CSMD2: variants seen among roughly 807,000 people sequenced by gnomAD.
CSMD2 encodes the protein CUB and Sushi multiple domains 2, also known as CUB and sushi domain-containing protein 2.
CSMD2 carries 130 observed loss-of-function variants against 398.5 expected under a neutral mutation model. That is an observed-to-expected ratio of 0.33 (90% CI 0.28 to 0.38). CSMD2 has a LOEUF of 0.38. Ranked by LOEUF, CSMD2 falls within the 10% of genes least tolerant of loss-of-function variation. The pLI is 1.00. For missense variants in CSMD2, 3,829 were observed against 4,764.9 expected, an observed-to-expected ratio of 0.80 and a Z score of 5.78; for synonymous variants, 1,828 against 1,908.5, an observed-to-expected ratio of 0.96 and a Z score of 1.10.
chr1:34,130,490 G>A (rs1027993342), intron 1 of CSMD2, among the ~76,000 whole-genome samples: 2 of 151,740 alleles, frequency 1.3e-5, no homozygotes, highest in Non-Finnish European at 2.9e-5. Context: ...GGGAGGGGAA[G>A]CGTGGGTAGA....
chr1:33,944,332 A>G lies in CSMD2; in HGVS notation c.518-8378T>C, dbSNP rs1182202262. On this transcript the variant is annotated intron_variant, in intron 3 of 70. Transcript: ENST00000373381. ...GTGGGGCGAGTGGGCTGCACCAGGG[A>G]AGGTGCTGGACAGAGGTGACTAGCA... 9.2e-5 allele frequency among the ~76,000 whole-genome samples: 14 copies of G among 151,986 alleles called. 1 individual carries two copies. In the South Asian group the frequency reaches 2.9e-3, roughly 32 times the overall value.
intron 9 of CSMD2, among the ~76,000 whole-genome samples, chr1:33,817,460 C>T (rs1657601820): frequency 2.0e-5 from 3 of 152,258 alleles, no homozygotes; most frequent in Admixed American, 1.3e-4. Flanking sequence ...AAGGAACCCG[C>T]CCAGGGCCAG....
chr1:33,524,703 A>G (rs1654614569), intron 66 of CSMD2, among the ~76,000 whole-genome samples, 179 bp downstream of exon 66: 1 of 152,170 alleles, frequency 6.6e-6, no homozygotes, highest in Non-Finnish European at 1.5e-5. Flanking sequence ...CCATTTAAAC[A>G]TTTCCCTTTA....
chr1:33,764,443 C>T (rs1039254917), intron 13 of CSMD2, among the ~76,000 whole-genome samples: 11 of 152,134 alleles, frequency 7.2e-5, no homozygotes, highest in Admixed American at 5.2e-4. Flanking sequence ...TTCTGCAGAG[C>T]GGGCACCCCC....
chr1:34,088,972 G>A lies in CSMD2; in HGVS notation c.404+5C>T. The A allele has an allele frequency of 6.2e-7, 1 of 1,611,424 alleles. No individual in the cohort carries two copies. Among genetic ancestry groups the A allele is most frequent in the South Asian group, 1.1e-5 (1 of 90,974 alleles). ...TTGCTACAGGGAAGGTGGGCAGCAT[G>A]GTACCTCGTACGCAGATTCTCTGGC... is the stretch of plus-strand genomic sequence containing the variant. On this transcript the variant is annotated splice_donor_5th_base_variant and intron_variant, in intron 2 of 70. Coordinates refer to ENST00000373381, the MANE Select transcript of CSMD2 (RefSeq NM_001281956.2).
chr1:33,793,206 G>A (rs984711774), intron 10 of CSMD2, among the ~76,000 whole-genome samples: 5 of 152,156 alleles, frequency 3.3e-5, no homozygotes, highest in South Asian at 2.1e-4. Flanking sequence ...CTGTGGGAGC[G>A]AAGAGGAGCC....
intron 1 of CSMD2, among the ~76,000 whole-genome samples, chr1:34,102,598 G>A (rs1291823038): frequency 7.4e-4 from 57 of 77,384 alleles, no homozygotes; most frequent in African/African-American, 2.3e-3. Context: ...CTGTAATCCG[G>A]CCATATCCCT....
At chr1:34,068,538 T>C (rs1432760294) in intron 2 of CSMD2, among the ~76,000 whole-genome samples, 1 of 152,244 alleles carries the variant, frequency 6.6e-6, no homozygotes, top group Admixed American at 6.5e-5. Context: ...TACATGGTAA[T>C]GTACATAATA....
chr1:34,034,637 T>C (rs150569292), intron 2 of CSMD2, among the ~76,000 whole-genome samples: 14 of 152,334 alleles, frequency 9.2e-5, no homozygotes, highest in African/African-American at 3.4e-4. Flanking sequence ...CCCAGTTACA[T>C]AAGCTAACAT....
chr1:33,526,504 A>G (rs1401283010), intron 65 of CSMD2, among the ~76,000 whole-genome samples: 1 of 152,224 alleles, frequency 6.6e-6, no homozygotes, highest in East Asian at 1.9e-4. Flanking sequence ...GCATGTGTAA[A>G]AGCACCTAAT....
chr1:34,133,311 T>G (rs1418361790), intron 1 of CSMD2, among the ~76,000 whole-genome samples: 1 of 152,144 alleles, frequency 6.6e-6, no homozygotes, highest in Non-Finnish European at 1.5e-5. Context: ...AAGCAAGCCT[T>G]GCAAAATAAT....
chr1:33,625,577 A>C (rs1642069228), intron 33 of CSMD2, among the ~76,000 whole-genome samples: 1 of 152,120 alleles, frequency 6.6e-6, no homozygotes, highest in Admixed American at 6.5e-5. Flanking sequence ...CCTAGCAAGG[A>C]GAATGGGCCT....
At chr1:33,873,256 G>T (rs1211557594) in intron 5 of CSMD2, among the ~76,000 whole-genome samples, 1 of 152,186 alleles carries the variant, frequency 6.6e-6, no homozygotes, top group East Asian at 1.9e-4. Context: ...TTTTGTGTGT[G>T]GAAGGGACAT....
At chr1:34,144,390 T>A (rs796736515) in intron 1 of CSMD2, among the ~76,000 whole-genome samples, 26 of 152,274 alleles carry the variant, frequency 1.7e-4, no homozygotes, top group African/African-American at 6.0e-4. Context: ...GACCCTTAAC[T>A]CTCTCCCTAC....
At chr1:33,877,734 A>G (rs1243171165) in intron 5 of CSMD2, among the ~76,000 whole-genome samples, 1 of 152,140 alleles carries the variant, frequency 6.6e-6, no homozygotes, top group East Asian at 1.9e-4. Flanking sequence ...CAAATTGAAA[A>G]GAATACTTTT....
At chr1:33,651,566 G>A (rs1429037777) in intron 28 of CSMD2, among the ~76,000 whole-genome samples, 2 of 152,118 alleles carry the variant, frequency 1.3e-5, no homozygotes, top group Admixed American at 6.6e-5. Context: ...AAGAAGAGGA[G>A]GTTTTGACAA....
At chr1:34,124,956 C>T (rs1662583919) in intron 1 of CSMD2, among the ~76,000 whole-genome samples, 1 of 152,168 alleles carries the variant, frequency 6.6e-6, no homozygotes, top group African/African-American at 2.4e-5. Flanking sequence ...TGTCTACTTC[C>T]ATGACTTCGA....
Position 34,164,276 on chromosome 1 carries a change from C to T in CSMD2, c.187+635G>A, listed in dbSNP as rs1446146806. On this transcript the variant is annotated intron_variant, in intron 1 of 70. Transcript: ENST00000373381. This position sits in a 1 kb window ranked among gnomAD's most constrained non-coding sequence, Gnocchi z 6.2. ...CCTGCACCCTCCTGCAAGGAATGCGCGGGACCCCCACCGTGGGCACGCGTC... is the reference window on the plus strand; with the variant it reads ...CCTGCACCCTCCTGCAAGGAATGCGTGGGACCCCCACCGTGGGCACGCGTC... Among the ~76,000 whole-genome samples, 1 of 151,930 alleles carries T rather than the reference C, an allele frequency of 6.6e-6. No individual in the cohort carries two copies. The highest frequency in any genetic ancestry group is 2.4e-5 in the African/African-American group (1 of 41,386).
intron 4 of CSMD2, among the ~76,000 whole-genome samples, chr1:33,929,130 G>A (rs975386901): frequency 1.3e-5 from 2 of 152,100 alleles, no homozygotes; most frequent in African/African-American, 4.8e-5. Context: ...AAGCCTAGGA[G>A]TCAACTTTGG....
Sources: gnomAD v4.1 joint callset for allele counts (sites outside exome capture counted in the v4.1 genomes callset) on GRCh38, gnomAD v4.1.1 for gene constraint, Gnocchi (gnomAD v3.1) non-coding constraint, MANE v1.5 for transcripts, NCBI Gene and HGNC (gene_info 2026-07-23, HGNC 2026-07-21) for gene names.